EDDM3A: variants seen among roughly 807,000 people sequenced by gnomAD.
EDDM3A encodes the protein epididymal protein 3A.
For missense variants in EDDM3A, 199 were observed against 177.4 expected, an observed-to-expected ratio of 1.12 and a Z score of -0.69; for synonymous variants, 75 against 60.4, an observed-to-expected ratio of 1.24 and a Z score of -1.12.
chr14:20,736,837 A>G, the EDDM3A span, among the ~76,000 whole-genome samples: 32,674 of 151,584 alleles, frequency 0.22, 3,669 homozygotes, highest in South Asian at 0.28. Context: ...CAGCCTCTCT[A>G]GTAGCTGGGA....
chr14:20,748,075 G>A lies in EDDM3A; in HGVS notation c.*51G>A, dbSNP rs1444704929. 1 of 1,444,538 alleles carries A rather than the reference G, an allele frequency of 6.9e-7. No homozygotes were observed. Among genetic ancestry groups the A allele is most frequent in the Non-Finnish European group, 9.4e-7 (1 of 1,067,154 alleles). 89.5% of individuals were successfully genotyped at this position (1,444,538 alleles called of 1,614,324 possible). A position where few individuals can be genotyped will look rare whatever the true frequency, so the allele number is the denominator to read the frequency against. On this transcript the variant is annotated 3_prime_UTR_variant, in exon 2 of 2. Coordinates refer to ENST00000326842, the MANE Select transcript of EDDM3A (RefSeq NM_006683.5). ...TGGTAGAGTATTCAGTGCTTCCAAA[G>A]TGGTGGGCCCTGCCTCCATCAATAG...
chr14:20,744,815 G>A (rs1270868006), upstream of EDDM3A, among the ~76,000 whole-genome samples: 1 of 152,190 alleles, frequency 6.6e-6, no homozygotes, highest in African/African-American at 2.4e-5. Context: ...TTAAAAAACT[G>A]AGTAGAGAAA....
the EDDM3A span, among the ~76,000 whole-genome samples, chr14:20,738,652 A>AAGTCAGCTGGGGC: frequency 6.6e-6 from 1 of 152,176 alleles, no homozygotes; most frequent in Non-Finnish European, 1.5e-5. Context: ...TGGGGCCCCT[A>AAGTCAGCTGGGGC]TAAGAAAAGT....
At chr14:20,741,536 C>G (rs572394624), upstream of EDDM3A, among the ~76,000 whole-genome samples, 12 of 152,144 alleles carry the variant, frequency 7.9e-5, no homozygotes, top group Non-Finnish European at 1.3e-4. Context: ...TAAGTTAGGA[C>G]CCCCTGGGAC....
chr14:20,742,936 T>C (rs1877480302), upstream of EDDM3A, among the ~76,000 whole-genome samples: 1 of 152,176 alleles, frequency 6.6e-6, no homozygotes, highest in Non-Finnish European at 1.5e-5. Context: ...TTTCTCCCTG[T>C]GTTGCCCAGG....
chr14:20,738,960 A>G, the EDDM3A span, among the ~76,000 whole-genome samples: 3 of 152,248 alleles, frequency 2.0e-5, no homozygotes, highest in Non-Finnish European at 4.4e-5. Flanking sequence ...TATCTGGCAC[A>G]GAGAAGGAGA....
rs528879744 is a variant in EDDM3A at position 20,746,410 on chromosome 14, A to G, written c.-27+418A>G. Among the ~76,000 whole-genome samples, 3 of 152,292 alleles carry G rather than the reference A, an allele frequency of 2.0e-5. No individual in the cohort carries two copies. In the South Asian group the frequency reaches 6.2e-4, roughly 32 times the overall value. On this transcript the variant is annotated intron_variant, in intron 1 of 1. Coordinates refer to ENST00000326842, the MANE Select transcript of EDDM3A (RefSeq NM_006683.5). The stretch of plus-strand genomic sequence containing the variant: ...GATACTCAGAGCTATGAATCAGGCT[A>G]GAGGTTCAGTAGGGCCAGGAATACT...
upstream of EDDM3A, among the ~76,000 whole-genome samples, chr14:20,744,172 G>T (rs1877516393): frequency 1.3e-5 from 2 of 152,178 alleles, no homozygotes; most frequent in African/African-American, 4.8e-5. Flanking sequence ...CAGAGGCCCA[G>T]AATTGTTCCT....
chr14:20,742,704 C>T (rs573997845), upstream of EDDM3A, among the ~76,000 whole-genome samples: 3 of 152,210 alleles, frequency 2.0e-5, no homozygotes, highest in East Asian at 1.9e-4. Flanking sequence ...TTCCTGCCTC[C>T]GTTTCCCAAG....
chr14:20,743,464 C>T (rs1877496061), upstream of EDDM3A, among the ~76,000 whole-genome samples: 1 of 150,722 alleles, frequency 6.6e-6, no homozygotes, highest in African/African-American at 2.5e-5. Context: ...GCAAGAGAAT[C>T]ACTTGAACCC....
chr14:20,742,078 T>C (rs1594236464), upstream of EDDM3A, among the ~76,000 whole-genome samples: 5 of 152,138 alleles, frequency 3.3e-5, no homozygotes, highest in African/African-American at 1.2e-4. Context: ...TATTACCTTT[T>C]CCCCAGGATG....
chr14:20,736,107 C>CT, the EDDM3A span, among the ~76,000 whole-genome samples: 400 of 144,782 alleles, frequency 2.8e-3, 4 homozygotes, highest in Non-Finnish European at 3.3e-3. Context: ...CCCATCATCA[C>CT]TTTTTTTTTT....
At chr14:20,739,416 C>G in the EDDM3A span, among the ~76,000 whole-genome samples, 1 of 152,186 alleles carries the variant, frequency 6.6e-6, no homozygotes, top group Non-Finnish European at 1.5e-5. Flanking sequence ...CCTTAGGGAC[C>G]TGTCTTCCTC....
At chr14:20,746,048 G>A (rs1412358022) in intron 1 of EDDM3A, 56 bp downstream of exon 1, 2 of 152,426 alleles carry the variant, frequency 1.3e-5, no homozygotes, top group Middle Eastern at 3.4e-3. Context: ...CTGGAAGGAG[G>A]CTGATTGAAC....
upstream of EDDM3A, among the ~76,000 whole-genome samples, chr14:20,741,994 C>T (rs528880560): frequency 1.3e-5 from 2 of 152,318 alleles, no homozygotes; most frequent in South Asian, 4.1e-4. Context: ...TTGCCTAAAG[C>T]GTCACTTCTT....
upstream of EDDM3A, among the ~76,000 whole-genome samples, chr14:20,745,519 C>T (rs1035935645): frequency 7.7e-6 from 1 of 130,192 alleles, no homozygotes; most frequent in African/African-American, 2.8e-5. Flanking sequence ...GAGCGAGACT[C>T]CATCTCAAAA....
chr14:20,747,850 A>C lies in EDDM3A; in HGVS notation c.270A>C (p.Arg90Ser). The C allele has an allele frequency of 3.1e-6, 5 of 1,614,186 alleles. No homozygotes were observed. Among genetic ancestry groups the C allele is most frequent in the Non-Finnish European group, 4.2e-6 (5 of 1,180,028 alleles). ...ATGAGAAGGGGAGCGACCGATATAG[A>C]AATGCATATGTATGGGCCCCAGGTG... ...CINEKGSDRYRNAYVWAPGAL... is the reference protein window; with the variant it reads ...CINEKGSDRYSNAYVWAPGAL... The change falls in exon 2 of 2, where the codon AGA becomes AGC. Residue 90 changes from arginine to serine, a missense_variant. Arg to Ser is a moderately radical substitution (Grantham distance 110). Coordinates refer to ENST00000326842, the MANE Select transcript of EDDM3A (RefSeq NM_006683.5).
chr14:20,747,969 A>T lies in EDDM3A; in HGVS notation c.389A>T (p.Asp130Val). The T allele has an allele frequency of 6.2e-7, 1 of 1,613,752 alleles. No individual in the cohort carries two copies. The highest frequency in any genetic ancestry group is 1.1e-5 in the South Asian group (1 of 90,964). ...TACATTGAATTCCATTGTGGCGTAG[A>T]TGGATATGTTGATAACATAGAAGAC... ...FSYIEFHCGVDGYVDNIEDLR... is the reference protein window; with the variant it reads ...FSYIEFHCGVVGYVDNIEDLR... Residue 130 changes from aspartate (D) to valine (V), a missense_variant, in exon 2 of 2, where the codon GAT (aspartate) becomes GTT (valine). By Grantham distance (152) the Asp-to-Val change is radical. Transcript: ENST00000326842.
At position 20,748,259 on chromosome 14, in the gene EDDM3A, G is replaced by T. The variant is rs1877669575; in HGVS notation, c.*235G>T. 3 of 438,250 alleles carry T rather than the reference G, an allele frequency of 6.8e-6. No homozygotes were observed. Among genetic ancestry groups the T allele is most frequent in the African/African-American group, 2.0e-5 (1 of 49,766 alleles). 27.1% of individuals were successfully genotyped at this position (438,250 alleles called of 1,614,324 possible). ...TAATTTACACCCACATTTTTTCCAA[G>T]ATTCAGCTCATATGGCATCTGTCCT... On this transcript the variant is annotated 3_prime_UTR_variant, in exon 2 of 2. Transcript: ENST00000326842.
Sources: gnomAD v4.1 joint callset for allele counts (sites outside exome capture counted in the v4.1 genomes callset) on GRCh38, gnomAD v4.1.1 for gene constraint, MANE v1.5 for transcripts, NCBI Gene and HGNC (gene_info 2026-07-23, HGNC 2026-07-21) for gene names.